The following SOX5 variants were observed in gnomAD, a reference collection of about 807,000 sequenced individuals.
The protein encoded by SOX5 is transcription factor SOX-5.
A neutral mutation model predicts 92.0 loss-of-function variants in SOX5; 9 were observed. The ratio of observed to expected loss-of-function variants is 0.10; its 90% CI spans 0.06 to 0.17. The LOEUF is 0.17. SOX5 is among the 10% of genes least tolerant of loss of function. The pLI is 1.00. For synonymous variants in SOX5, 344 were observed against 336.3 expected (o/e 1.02, Z -0.25); for missense variants, 642 against 944.5 (o/e 0.68, Z 4.20).
intron 1 of SOX5, among the ~76,000 whole-genome samples, chr12:23,944,692 A>G (rs931104721): frequency 2.6e-5 from 4 of 152,180 alleles, no homozygotes; most frequent in Non-Finnish European, 5.9e-5. Flanking sequence ...TGATGATGCT[A>G]TCAATCAATG....
intron 1 of SOX5, among the ~76,000 whole-genome samples, chr12:24,380,014 T>C (rs1596095250): frequency 6.6e-6 from 1 of 151,890 alleles, no homozygotes; most frequent in Non-Finnish European, 1.5e-5. Context: ...TGCATCCAAG[T>C]GAAAAGAATA....
In SOX5 at chr12:23,831,055, C is replaced by T. The variant is rs1298089480; in HGVS notation, c.481+14928G>A. On this transcript the variant is annotated intron_variant, in intron 3 of 14. Transcript: ENST00000451604. Reference sequence around the variant, plus strand: ...ACTGCTAATAATACCTTCTTTAGCACCCATAAAATAAGTCTTAAAACAGGG... The same window carrying T: ...ACTGCTAATAATACCTTCTTTAGCATCCATAAAATAAGTCTTAAAACAGGG... Among the ~76,000 whole-genome samples the T allele has an allele frequency of 2.0e-5, 3 of 152,082 alleles. 1 individual carries two copies. The highest frequency in any genetic ancestry group is 4.2e-4 in the South Asian group (2 of 4,816).
intron 2 of SOX5, among the ~76,000 whole-genome samples, chr12:24,303,823 G>C (rs950983494): frequency 7.2e-5 from 11 of 152,210 alleles, no homozygotes; most frequent in African/African-American, 2.2e-4. Context: ...TCAAAGGGGA[G>C]AGAGAGGGGG....
At chr12:24,052,180 C>G (rs1309275496) in intron 4 of SOX5, among the ~76,000 whole-genome samples, 1 of 152,098 alleles carries the variant, frequency 6.6e-6, no homozygotes, top group Admixed American at 6.5e-5. Flanking sequence ...CATTTGGCCC[C>G]TTGTTTCATG....
intron 7 of SOX5, among the ~76,000 whole-genome samples, chr12:23,643,536 A>T (rs2080408621): frequency 2.6e-5 from 4 of 152,224 alleles, no homozygotes; most frequent in Admixed American, 2.0e-4. Context: ...AGCCTTGATA[A>T]GACCACTTAG....
intron 4 of SOX5, among the ~76,000 whole-genome samples, chr12:24,034,388 T>C (rs1955810330): frequency 6.6e-6 from 1 of 151,784 alleles, no homozygotes. Flanking sequence ...TAACCATGTG[T>C]GGTAGTGCTA....
chr12:24,394,810 T>C (rs572067919), intron 1 of SOX5, among the ~76,000 whole-genome samples: 8 of 152,352 alleles, frequency 5.3e-5, no homozygotes, highest in Admixed American at 3.9e-4. Context: ...AAGGGCATCA[T>C]TTCGAAAAAT....
chr12:24,475,661 C>G (rs1381035976), intron 1 of SOX5, among the ~76,000 whole-genome samples: 1 of 152,158 alleles, frequency 6.6e-6, no homozygotes, highest in African/African-American at 2.4e-5. Context: ...GGAGGAAAGT[C>G]AACAGGCTAA....
At chr12:24,141,516 C>T (rs1447797475) in intron 4 of SOX5, among the ~76,000 whole-genome samples, 2 of 152,132 alleles carry the variant, frequency 1.3e-5, no homozygotes, top group Non-Finnish European at 2.9e-5. Context: ...CTAGTGTAAT[C>T]CACCCCTTTT....
At chr12:23,909,017 G>A (rs1568880002) in intron 1 of SOX5, among the ~76,000 whole-genome samples, 2 of 152,002 alleles carry the variant, frequency 1.3e-5, no homozygotes. Flanking sequence ...GCCACTGTGG[G>A]CAAGTTAGGA....
chr12:23,908,365 A>G (rs1234718399), intron 1 of SOX5, among the ~76,000 whole-genome samples: 1 of 151,930 alleles, frequency 6.6e-6, no homozygotes, highest in Non-Finnish European at 1.5e-5. Context: ...CAATGAAGAG[A>G]AATATTATGA....
At chr12:24,313,322 G>A (rs1339658889) in intron 2 of SOX5, among the ~76,000 whole-genome samples, 3 of 152,142 alleles carry the variant, frequency 2.0e-5, no homozygotes, top group African/African-American at 7.2e-5. Flanking sequence ...GAGGCCAGGA[G>A]TTCAAGACTA....
Position 23,976,406 on chromosome 12 carries a change from C to CAA in SOX5, c.-1-80384_-1-80383dup, listed in dbSNP as rs869250917. 5.0e-3 allele frequency among the ~76,000 whole-genome samples: 189 copies of CAA among 37,884 alleles called. 2 individuals are homozygous for CAA. The highest frequency in any genetic ancestry group is 0.015 in the African/African-American group (172 of 11,452). 24.9% of individuals were successfully genotyped at this position (37,884 alleles called of 152,430 possible). On this transcript the variant is annotated intron_variant, in intron 4 of 4. Coordinates refer to the SOX5 transcript ENST00000446891. ...GAACACTATTAAAAAAACAAAAAAA[C>CAA]AAAAAAAAAAAAAAAAAAGAAGAGA... is the stretch of plus-strand genomic sequence containing the variant.
intron 1 of SOX5, among the ~76,000 whole-genome samples, chr12:24,433,200 T>C (rs1222151586): frequency 6.6e-6 from 1 of 152,182 alleles, no homozygotes; most frequent in African/African-American, 2.4e-5. Context: ...GGGCTGAAAA[T>C]TGAGGTGATT....
chr12:24,020,187 C>G (rs1370895552), intron 4 of SOX5, among the ~76,000 whole-genome samples: 2 of 152,118 alleles, frequency 1.3e-5, no homozygotes, highest in Admixed American at 6.6e-5. Flanking sequence ...ATGTAGGTAA[C>G]TAAAGGTCAA....
chr12:23,724,122 C>A (rs1308325941), intron 6 of SOX5, among the ~76,000 whole-genome samples: 1 of 152,130 alleles, frequency 6.6e-6, no homozygotes, highest in African/African-American at 2.4e-5. Flanking sequence ...CATTTGCCAA[C>A]CTGATAGATT....
intron 4 of SOX5, among the ~76,000 whole-genome samples, chr12:24,010,506 C>T (rs1418617990): frequency 6.6e-6 from 1 of 152,160 alleles, no homozygotes; most frequent in African/African-American, 2.4e-5. Flanking sequence ...CTAAATTGCA[C>T]ATACAAGAGG....
chr12:24,525,632 G>A (rs1367948473), intron 1 of SOX5, among the ~76,000 whole-genome samples: 3 of 152,120 alleles, frequency 2.0e-5, no homozygotes, highest in African/African-American at 7.2e-5. Context: ...AGCACTTTGG[G>A]AGGCCGAGGC....
intron 4 of SOX5, among the ~76,000 whole-genome samples, chr12:24,024,898 C>G (rs567293456): frequency 1.3e-5 from 2 of 152,086 alleles, no homozygotes; most frequent in African/African-American, 4.8e-5. Flanking sequence ...CATCAAACTT[C>G]TCTACCCTAT....
Sources: gnomAD v4.1 joint callset for allele counts (sites outside exome capture counted in the v4.1 genomes callset) on GRCh38, gnomAD v4.1.1 for gene constraint, MANE v1.5 for transcripts, NCBI Gene and HGNC (gene_info 2026-07-23, HGNC 2026-07-21) for gene names.